Variants in AMOT observed in about 807,000 individuals in gnomAD.
AMOT encodes the protein angiomotin.
AMOT carries 11 observed loss-of-function variants against 67.0 expected under a neutral mutation model. That is an observed-to-expected ratio of 0.16 (90% CI 0.10 to 0.27). The LOEUF (loss-of-function observed/expected upper bound fraction) is 0.27. AMOT is among the 10% of genes least tolerant of loss of function. The pLI is 1.00. For synonymous variants in AMOT, 326 were observed against 321.4 expected, an observed-to-expected ratio of 1.01 and a Z score of -0.15; for missense variants, 753 against 852.0, an observed-to-expected ratio of 0.88 and a Z score of 1.45.
intron 8 of AMOT, among the ~76,000 whole-genome samples, chrX:112,800,498 A>G (rs1376575905): frequency 1.8e-5 from 2 of 111,796 alleles, no homozygotes; most frequent in Non-Finnish European, 3.8e-5. Flanking sequence ...TAATCCATCA[A>G]AACACTGGGT....
chrX:112,838,485 T>A (rs1003208750), intron 1 of AMOT, among the ~76,000 whole-genome samples: 2 of 111,340 alleles, frequency 1.8e-5, no homozygotes, highest in Non-Finnish European at 3.8e-5. Flanking sequence ...ATAGTATCCA[T>A]CCCCCTGCCT....
chrX:112,828,705 G>A (rs1427838373), intron 2 of AMOT, among the ~76,000 whole-genome samples: 1 of 111,450 alleles, frequency 9.0e-6, no homozygotes, highest in East Asian at 2.8e-4. Flanking sequence ...GCCTCAAAGG[G>A]TAAGAGAGAG....
chrX:112,840,417 C>T (rs946794517), intron 1 of AMOT, 35 bp downstream of exon 1: 9 of 112,788 alleles, frequency 8.0e-5, no homozygotes, highest in Admixed American at 3.7e-4. Context: ...ATTCCTGCCC[C>T]AGTTCCCCGC....
intron 9 of AMOT, 126 bp from the exon 10 acceptor site, chrX:112,790,908 G>A (rs958468710): frequency 1.6e-6 from 1 of 626,893 alleles, no homozygotes; most frequent in South Asian, 6.8e-5. Context: ...GAAAGAAGCA[G>A]GGGGAATTCA....
intron 5 of AMOT, among the ~76,000 whole-genome samples, chrX:112,814,186 T>C (rs1283923404): frequency 2.8e-5 from 3 of 109,023 alleles, no homozygotes; most frequent in Non-Finnish European, 5.7e-5. Flanking sequence ...GCAGGAGAAC[T>C]GCTTGAACCC....
intron 5 of AMOT, 101 bp from the exon 6 acceptor site, chrX:112,811,494 G>T: frequency 2.1e-6 from 2 of 947,786 alleles, no homozygotes; most frequent in Non-Finnish European, 1.5e-6. Flanking sequence ...TTCTCCCAGG[G>T]CTCACAGATG....
chrX:112,810,777 G>A (rs1260467127), intron 6 of AMOT, among the ~76,000 whole-genome samples: 3 of 111,610 alleles, frequency 2.7e-5, no homozygotes, highest in Admixed American at 1.9e-4. Flanking sequence ...TAGCAGTTTT[G>A]AAGGTGCTGA....
At chrX:112,780,267 A>G (rs1933105181) in intron 12 of AMOT, 1 of 112,824 alleles carries the variant, frequency 8.9e-6, no homozygotes, top group Non-Finnish European at 1.9e-5. Flanking sequence ...ATTAACAGCA[A>G]CAAAAAGGGT....
chrX:112,787,296 A>C (rs147635833), intron 10 of AMOT, among the ~76,000 whole-genome samples: 197 of 111,681 alleles, frequency 1.8e-3, no homozygotes, highest in African/African-American at 6.2e-3. Context: ...CGACCCCAAT[A>C]TGCATATATC....
At chrX:112,778,903 A>G (rs1569387950) in intron 13 of AMOT, 94 bp downstream of exon 13, 1 of 955,739 alleles carries the variant, frequency 1.0e-6, no homozygotes, top group Non-Finnish European at 1.4e-6. Flanking sequence ...CTCAGTCCAA[A>G]TGATAACTCT....
chrX:112,838,855 T>A (rs1411755005), intron 1 of AMOT, among the ~76,000 whole-genome samples: 1 of 112,226 alleles, frequency 8.9e-6, no homozygotes, highest in Non-Finnish European at 1.9e-5. Context: ...TAAAATGAAG[T>A]ATGATGTAGT....
At position 112,782,632 on chromosome X, in the gene AMOT, G is replaced by A. The variant is rs1933230492; in HGVS notation, c.2148C>T (p.Asn716=). ...CTTCTAGAGCTGTGTCATAGCTGGT[G>A]TTAGGAGAGTGACTGATGACTGTTG... ...RDTTVISHSP[N]TSYDTALEAR... is the part of the protein sequence containing the mutation. Residue 716 remains asparagine (N), a synonymous_variant, in exon 11 of 14, where the codon AAC becomes AAT. Coordinates refer to ENST00000371959, the MANE Select transcript of AMOT (RefSeq NM_001113490.2). 8.3e-7 allele frequency: 1 copy of A among 1,211,231 alleles called. No individual in the cohort carries two copies. The highest frequency in any genetic ancestry group is 3.0e-5 in the East Asian group (1 of 33,824).
At chrX:112,795,254 G>C (rs992601167) in intron 8 of AMOT, among the ~76,000 whole-genome samples, 150 of 109,217 alleles carry the variant, frequency 1.4e-3, no homozygotes, top group African/African-American at 2.7e-3. Context: ...CTCTCTGTGT[G>C]TGTGTGTGTG....
intron 4 of AMOT, among the ~76,000 whole-genome samples, chrX:112,818,894 T>C (rs1669575665): frequency 9.0e-6 from 1 of 110,867 alleles, no homozygotes; most frequent in African/African-American, 3.3e-5. Flanking sequence ...CAGAATCACA[T>C]GATTCCATGC....
intron 12 of AMOT, chrX:112,780,676 C>T (rs753391561): frequency 1.4e-5 from 6 of 428,409 alleles, no homozygotes; most frequent in South Asian, 8.6e-5. Context: ...AAGCCTTGGC[C>T]TCAATCGGTA....
rs560568680 is a variant in AMOT, at chrX:112,838,070, T to C, written c.-289+2382A>G. Among the ~76,000 whole-genome samples the C allele has an allele frequency of 3.1e-4, 35 of 111,434 alleles. No homozygotes were observed. The South Asian group carries it at 0.012, about 38-fold the overall frequency. On this transcript the variant is annotated intron_variant, in intron 1 of 13. Transcript: ENST00000371959. The stretch of plus-strand genomic sequence containing the variant: ...GACTGTTCTCATGCATTCCAAATGC[T>C]CAGTCTCCATGGAGGAGGCTACCTG...
chrX:112,789,822 C>T (rs978927335), intron 10 of AMOT, among the ~76,000 whole-genome samples: 4 of 109,545 alleles, frequency 3.7e-5, no homozygotes, highest in African/African-American at 1.3e-4. Context: ...CAAGTCATCA[C>T]CTGACTTTAA....
In AMOT at chrX:112,782,550, T is replaced by C. The variant is rs755510093; in HGVS notation, c.2230A>G (p.Met744Val). 1 of 1,211,501 alleles carries C rather than the reference T, an allele frequency of 8.3e-7. No homozygotes were observed. The highest frequency in any genetic ancestry group is 1.1e-6 in the Non-Finnish European group (1 of 895,410). ...AGAACAACATTTTACCTGCCCTCCA[T>C]GTCAAGGCAACGCTTATTGGCCATC... ...ILMANKRCLD[M>V]EGRIKTLHAQ... Residue 744 changes from methionine (M) to valine (V), a missense_variant, in exon 11 of 14, where the codon ATG (methionine) becomes GTG (valine). Physicochemically the swap from Met to Val is conservative, Grantham distance 21. This residue lies in a region of AMOT where 269 missense variants were observed against 300.9 expected (regional missense o/e 0.89). Coordinates refer to ENST00000371959, the MANE Select transcript of AMOT (RefSeq NM_001113490.2).
intron 4 of AMOT, among the ~76,000 whole-genome samples, chrX:112,821,336 C>T (rs985889026): frequency 7.2e-5 from 8 of 111,230 alleles, no homozygotes; most frequent in Non-Finnish European, 9.4e-5. Flanking sequence ...ATGCCACCAT[C>T]GGTCCCCATG....
Sources: gnomAD v4.1 joint callset for allele counts (sites outside exome capture counted in the v4.1 genomes callset) on GRCh38, gnomAD v4.1.1 for gene constraint, gnomAD v4.1.1 regional missense constraint, MANE v1.5 for transcripts, NCBI Gene and HGNC (gene_info 2026-07-23, HGNC 2026-07-21) for gene names.